ZNF680: variants seen among roughly 807,000 people sequenced by gnomAD.
ZNF680 encodes zinc finger protein 680, also known as hypothetical protein FLJ90430.
In ZNF680, 6 loss-of-function variants were observed where a neutral mutation model predicts 12.1. The ratio of observed to expected loss-of-function variants is 0.49; its 90% CI spans 0.27 to 0.98. The LOEUF is 0.98. Among genes scored for constraint, ZNF680 ranks in the 50% least tolerant of loss-of-function variants. ZNF680 has a pLI of 0.12. For synonymous variants in ZNF680, 170 were observed against 199.3 expected (o/e 0.85, Z 1.24); for missense variants, 561 against 616.3 (o/e 0.91, Z 0.95).
At chr7:64,559,402 C>T (rs887560370) in intron 1 of ZNF680, among the ~76,000 whole-genome samples, 3 of 151,842 alleles carry the variant, frequency 2.0e-5, no homozygotes, top group African/African-American at 2.4e-5. Flanking sequence ...GGCAGACAGC[C>T]GGGCCAGAGT....
chr7:64,539,344 T>C (rs568806555), intron 3 of ZNF680, among the ~76,000 whole-genome samples: 2 of 59,472 alleles, frequency 3.4e-5, no homozygotes, highest in African/African-American at 2.2e-4. Context: ...AGAGCAAAAC[T>C]TCGTCTCAAA....
rs372757821 is a variant in ZNF680, at chr7:64,528,199, G to C, written c.254-5699C>G. 1.1e-3 allele frequency among the ~76,000 whole-genome samples: 165 copies of C among 152,204 alleles called. 1 individual carries two copies. The highest frequency in any genetic ancestry group is 3.8e-3 in the African/African-American group (156 of 41,532). ...GGCCATTCCTTCCTGGCATCACAAG[G>C]ATCTTTTTGGAGGGCAGCCACAGGC... On this transcript the variant is annotated intron_variant, in intron 3 of 3. Coordinates refer to ENST00000309683, the MANE Select transcript of ZNF680 (RefSeq NM_178558.5).
the ZNF680 span, chr7:64,501,259 C>A: frequency 7.6e-6 from 7 of 918,054 alleles, no homozygotes; most frequent in Admixed American, 1.2e-4. Flanking sequence ...TCCTCCTCCT[C>A]CTCCTATTGC....
At chr7:64,509,429 C>G in the ZNF680 span, among the ~76,000 whole-genome samples, 1 of 152,186 alleles carries the variant, frequency 6.6e-6, no homozygotes, top group Non-Finnish European at 1.5e-5. Context: ...CAAAGAAAGG[C>G]AGCCATTCAA....
At position 64,522,031 on chromosome 7, in the gene ZNF680, C is replaced by G; in HGVS notation, c.723G>C (p.Glu241Asp). ...IHMGEKPYKC[E>D]ECGKAFNQSS... ...ATTGGTTAAAGGCTTTGCCACATTC[C>G]TCACATTTGTAGGGTTTCTCTCCCA... The change falls in exon 4 of 4, where the codon GAG becomes GAC. Residue 241 changes from glutamate to aspartate, a missense_variant. By Grantham distance (45) the Glu-to-Asp change is conservative. Coordinates refer to ENST00000309683, the MANE Select transcript of ZNF680 (RefSeq NM_178558.5). 6.2e-7 allele frequency: 1 copy of G among 1,611,546 alleles called. No individual in the cohort carries two copies. Among genetic ancestry groups the G allele is most frequent in the East Asian group, 2.2e-5 (1 of 44,660 alleles).
At chr7:64,504,156 A>G in the ZNF680 span, among the ~76,000 whole-genome samples, 466 of 152,354 alleles carry the variant, frequency 3.1e-3, 4 homozygotes, top group Middle Eastern at 0.014. Context: ...ATAGTTATGC[A>G]ATACCAAATG....
At chr7:64,529,313 A>T (rs1385056533) in intron 3 of ZNF680, among the ~76,000 whole-genome samples, 1 of 152,244 alleles carries the variant, frequency 6.6e-6, no homozygotes, top group African/African-American at 2.4e-5. Context: ...CCAAGAAGGA[A>T]TCCCTGTTTT....
intron 1 of ZNF680, among the ~76,000 whole-genome samples, chr7:64,553,550 T>A (rs929572849): frequency 5.3e-5 from 8 of 150,254 alleles, no homozygotes; most frequent in African/African-American, 2.0e-4. Context: ...TGAAAGAATG[T>A]TTACAGAGAG....
At chr7:64,544,732 A>G (rs1786692484) in intron 1 of ZNF680, among the ~76,000 whole-genome samples, 2 of 152,204 alleles carry the variant, frequency 1.3e-5, no homozygotes, top group Admixed American at 6.6e-5. Flanking sequence ...TTTGAGTGCT[A>G]TATTTACATC....
At chr7:64,499,495 C>T in the ZNF680 span, among the ~76,000 whole-genome samples, 7,660 of 152,288 alleles carry the variant, frequency 0.05, 283 homozygotes, top group East Asian at 0.17. Flanking sequence ...CGGTGGCTGA[C>T]GCCTGTAATC....
chr7:64,527,159 A>C (rs1305595750), intron 3 of ZNF680, among the ~76,000 whole-genome samples: 1 of 152,070 alleles, frequency 6.6e-6, no homozygotes, highest in Non-Finnish European at 1.5e-5. Flanking sequence ...AATCACTTGA[A>C]CCCAGGAGGC....
Position 64,521,449 on chromosome 7 carries a change from T to C in ZNF680, c.1305A>G (p.Lys435=). ...TAAAGCCTTTGCCACATTCTTCACA[T>C]TTGTAGGTATTCTCTCTAGTGTGAA... ...KRIHTRENTY[K]CEECGKGFTL... The change falls in exon 4 of 4, where the codon AAA becomes AAG. Residue 435 remains lysine, a synonymous_variant. Transcript: ENST00000309683. 1 of 1,613,594 alleles carries C rather than the reference T, an allele frequency of 6.2e-7. No individual in the cohort carries two copies. Among genetic ancestry groups the C allele is most frequent in the Non-Finnish European group, 8.5e-7 (1 of 1,179,704 alleles).
downstream of ZNF680, among the ~76,000 whole-genome samples, chr7:64,516,808 C>G (rs530473000): frequency 2.6e-5 from 4 of 152,078 alleles, no homozygotes; most frequent in Admixed American, 2.0e-4. Context: ...AAGTTAACAA[C>G]AAAAACCTTT....
chr7:64,532,184 C>T (rs768661435), intron 3 of ZNF680, among the ~76,000 whole-genome samples: 1 of 151,250 alleles, frequency 6.6e-6, no homozygotes, highest in Non-Finnish European at 1.5e-5. Context: ...GGGCACCTGT[C>T]GTCCCAGCTA....
chr7:64,514,912 G>A (rs1380735826), downstream of ZNF680, among the ~76,000 whole-genome samples: 6 of 151,972 alleles, frequency 3.9e-5, no homozygotes, highest in Non-Finnish European at 8.8e-5. Context: ...GCGTGGTCGC[G>A]CATGCTTGTA....
In ZNF680 at chr7:64,521,300, G is replaced by C. The variant is rs978181310; in HGVS notation, c.1454C>G (p.Ala485Gly). The C allele has an allele frequency of 6.2e-7, 1 of 1,613,494 alleles. No individual in the cohort carries two copies. Among genetic ancestry groups the C allele is most frequent in the Admixed American group, 1.7e-5 (1 of 59,984 alleles). ...TTCACATTTGTAGGGTTTCTCTCTA[G>C]CATGAATTCTCTTATGATTAGCAAG... is the stretch of plus-strand genomic sequence containing the variant. ...ATLANHKRIH[A>G]REKPYKCEEC... The change falls in exon 4 of 4, where the codon GCT becomes GGT. Residue 485 changes from alanine to glycine, a missense_variant. Physicochemically the swap from Ala to Gly is moderately conservative, Grantham distance 60 (BLOSUM62 0). Coordinates refer to ENST00000309683, the MANE Select transcript of ZNF680 (RefSeq NM_178558.5).
intron 3 of ZNF680, among the ~76,000 whole-genome samples, chr7:64,533,786 CAG>C (rs1185797212): frequency 6.6e-6 from 1 of 152,116 alleles, no homozygotes; most frequent in Non-Finnish European, 1.5e-5. Flanking sequence ...CCATAGTTAC[CAG>C]AACAGCATGT....
chr7:64,543,729 C>T lies in ZNF680; in HGVS notation c.231G>A (p.Gln77=). 6.2e-7 allele frequency: 1 copy of T among 1,613,644 alleles called. No individual in the cohort carries two copies. Among genetic ancestry groups the T allele is most frequent in the Non-Finnish European group, 8.5e-7 (1 of 1,179,750 alleles). The change falls in exon 3 of 4, where the codon CAG becomes CAA. Residue 77 remains glutamine (Q), a synonymous_variant. Coordinates refer to ENST00000309683, the MANE Select transcript of ZNF680 (RefSeq NM_178558.5). ...TACCTGGGGGTTTGGCTACCATCTC[C>T]TGTCTCTTCCTATTCCAGGGCTCTT... The part of the protein sequence containing the change: ...QGKEPWNRKR[Q]EMVAKPPVIY...
At chr7:64,543,282 T>G (rs4278060) in intron 3 of ZNF680, among the ~76,000 whole-genome samples, 117,208 of 152,148 alleles carry the variant, frequency 0.77, 46,046 homozygotes, top group African/African-American at 0.93. Context: ...ATAATAAAAA[T>G]ATGAAATGTG....
Sources: gnomAD v4.1 joint callset for allele counts (sites outside exome capture counted in the v4.1 genomes callset) on GRCh38, gnomAD v4.1.1 for gene constraint, MANE v1.5 for transcripts, NCBI Gene and HGNC (gene_info 2026-07-23, HGNC 2026-07-21) for gene names.